Variants in CDH8 observed in about 807,000 individuals in gnomAD.
CDH8 encodes the protein cadherin 8.
A neutral mutation model predicts 68.1 loss-of-function variants in CDH8; 17 were observed. The observed-to-expected ratio is 0.25, with a 90% confidence interval of 0.17 to 0.37. CDH8 has a LOEUF of 0.37. Among genes scored for constraint, CDH8 ranks in the 10% least tolerant of loss-of-function variants. CDH8 has a pLI of 1.00. For missense variants in CDH8, 763 were observed against 999.3 expected (o/e 0.76, Z 3.19); for synonymous variants, 372 against 365.1 (o/e 1.02, Z -0.21).
chr16:61,971,584 C>T (rs139679178), intron 2 of CDH8, among the ~76,000 whole-genome samples: 1 of 152,294 alleles, frequency 6.6e-6, no homozygotes, highest in East Asian at 1.9e-4. Flanking sequence ...TGGAAGCTCT[C>T]CAAATTCAGT....
intron 4 of CDH8, among the ~76,000 whole-genome samples, chr16:61,839,546 A>C (rs2143007664): frequency 6.6e-6 from 1 of 152,280 alleles, no homozygotes; most frequent in African/African-American, 2.4e-5. Context: ...TAAATGAATT[A>C]AACTTTCTTT....
intron 10 of CDH8, among the ~76,000 whole-genome samples, chr16:61,687,643 A>C (rs1425947878): frequency 6.6e-6 from 1 of 152,012 alleles, no homozygotes; most frequent in Non-Finnish European, 1.5e-5. Context: ...TGCTATAAGA[A>C]ACACCTATTA....
intron 2 of CDH8, chr16:61,918,283 T>A (rs539963924): frequency 1.3e-5 from 2 of 152,634 alleles, no homozygotes; most frequent in Non-Finnish European, 2.9e-5. Context: ...GACTCAAGAG[T>A]GTAGCCTGGA....
chr16:61,992,472 A>G (rs1009613543), intron 2 of CDH8, among the ~76,000 whole-genome samples: 17 of 148,924 alleles, frequency 1.1e-4, no homozygotes, highest in Admixed American at 3.3e-4. Flanking sequence ...GGATAGCATT[A>G]GGAGATATAC....
chr16:61,681,057 C>A (rs958070817), intron 10 of CDH8, among the ~76,000 whole-genome samples: 3 of 151,862 alleles, frequency 2.0e-5, no homozygotes, highest in Admixed American at 6.6e-5. Flanking sequence ...GAAATTGGAT[C>A]ACTCTTACAT....
chr16:61,989,390 C>T (rs1451422702), intron 2 of CDH8, among the ~76,000 whole-genome samples: 2 of 152,138 alleles, frequency 1.3e-5, no homozygotes, highest in African/African-American at 2.4e-5. Context: ...GAAGTTTGGG[C>T]AGCCAGTTTT....
rs960311494 is a variant in CDH8, at chr16:61,657,058, T to A, written c.1655-1337A>T. ...TTATTTGGGCAAAATAATTATTTGTTTTTTTTTTTTCAAATATTGGCCAAT... is the reference window on the plus strand; with the variant it reads ...TTATTTGGGCAAAATAATTATTTGTATTTTTTTTTTCAAATATTGGCCAAT... On this transcript the variant is annotated intron_variant, in intron 10 of 11. Coordinates refer to ENST00000577390, the MANE Select transcript of CDH8 (RefSeq NM_001796.5). Among the ~76,000 whole-genome samples the A allele has an allele frequency of 1.5e-4, 4 of 26,028 alleles. No homozygotes were observed. The African/African-American group carries it at 1.8e-3, about 12-fold the overall frequency. 17.1% of individuals were successfully genotyped at this position (26,028 alleles called of 152,430 possible).
intron 10 of CDH8, among the ~76,000 whole-genome samples, chr16:61,690,390 T>C (rs1348910778): frequency 6.6e-6 from 1 of 152,084 alleles, no homozygotes; most frequent in Non-Finnish European, 1.5e-5. Flanking sequence ...AAATGTGTTT[T>C]CTCACACATT....
chr16:61,861,544 G>A (rs1963149893), intron 3 of CDH8, among the ~76,000 whole-genome samples: 1 of 152,150 alleles, frequency 6.6e-6, no homozygotes, highest in South Asian at 2.1e-4. Flanking sequence ...CATGCTCTGT[G>A]ATTCAGCTTT....
chr16:61,730,857 A>G (rs1354521894), intron 8 of CDH8, among the ~76,000 whole-genome samples: 1 of 151,730 alleles, frequency 6.6e-6, no homozygotes, highest in East Asian at 1.9e-4. Context: ...ACACCGTTCA[A>G]TTTTGTTTGT....
chr16:61,944,327 AG>A (rs1389455487), intron 2 of CDH8, among the ~76,000 whole-genome samples: 2 of 152,212 alleles, frequency 1.3e-5, no homozygotes, highest in African/African-American at 4.8e-5. Context: ...TGATTGTCTG[AG>A]AATTTGTAAT....
At chr16:61,879,873 T>C (rs947127513) in intron 3 of CDH8, among the ~76,000 whole-genome samples, 12 of 151,390 alleles carry the variant, frequency 7.9e-5, no homozygotes, top group African/African-American at 2.9e-4. Flanking sequence ...CAATTAATTG[T>C]ATGAAGGAAA....
rs200221137 is a variant in CDH8, at chr16:62,034,521, C to T, written c.-200+1559G>A. On this transcript the variant is annotated intron_variant, in intron 1 of 11. Coordinates refer to ENST00000577390, the MANE Select transcript of CDH8 (RefSeq NM_001796.5). ...AGAACAGGCGCTTCAAAAGCCAGCC[C>T]CCATCCCTCGGATCTGCTTTGCGAT... Among the ~76,000 whole-genome samples, 17 of 152,218 alleles carry T rather than the reference C, an allele frequency of 1.1e-4. No homozygotes were observed. In the East Asian group the frequency reaches 3.1e-3, roughly 28 times the overall value.
intron 8 of CDH8, among the ~76,000 whole-genome samples, chr16:61,736,249 A>C (rs1959683302): frequency 6.6e-6 from 1 of 152,118 alleles, no homozygotes; most frequent in African/African-American, 2.4e-5. Flanking sequence ...TCACCAAATA[A>C]TCAGGAGTTC....
intron 8 of CDH8, among the ~76,000 whole-genome samples, chr16:61,762,131 T>C (rs891469773): frequency 1.3e-5 from 2 of 152,148 alleles, no homozygotes; most frequent in African/African-American, 2.4e-5. Flanking sequence ...GTGGTGGACT[T>C]CCTCTGGGCA....
chr16:61,798,291 G>T (rs899889841), intron 7 of CDH8, among the ~76,000 whole-genome samples: 2 of 152,106 alleles, frequency 1.3e-5, no homozygotes, highest in Non-Finnish European at 2.9e-5. Flanking sequence ...CCTTAGTGCC[G>T]AGTATCATAA....
intron 10 of CDH8, among the ~76,000 whole-genome samples, chr16:61,659,343 G>A (rs942141154): frequency 3.9e-5 from 6 of 152,164 alleles, no homozygotes; most frequent in African/African-American, 1.2e-4. Context: ...CCTTGTCTCA[G>A]CTCAGTGAGG....
intron 8 of CDH8, among the ~76,000 whole-genome samples, chr16:61,783,971 G>A (rs1961161585): frequency 6.6e-6 from 1 of 152,126 alleles, no homozygotes. Context: ...GGTACCAGCT[G>A]CTGCAAAATC....
At chr16:61,945,539 G>A (rs1358008563) in intron 2 of CDH8, among the ~76,000 whole-genome samples, 1 of 152,042 alleles carries the variant, frequency 6.6e-6, no homozygotes, top group African/African-American at 2.4e-5. Flanking sequence ...GGATCTCTGG[G>A]AGCATCCCTA....
Sources: allele counts gnomAD v4.1 joint callset (sites outside exome capture counted in the v4.1 genomes callset), GRCh38; gene constraint gnomAD v4.1.1; transcripts MANE v1.5; gene names NCBI Gene and HGNC (gene_info 2026-07-23, HGNC 2026-07-21).